Variants in GLRA2 observed in about 807,000 individuals in gnomAD.
GLRA2 encodes the protein glycine receptor subunit alpha-2.
Under a neutral mutation model 31.6 loss-of-function variants are expected in GLRA2, and 11 were observed. The ratio of observed to expected loss-of-function variants is 0.35; its 90% confidence interval spans 0.22 to 0.58. The LOEUF is 0.58. GLRA2 is among the 20% of genes least tolerant of loss of function. The pLI is 0.84. For synonymous variants in GLRA2, 132 were observed against 134.0 expected (o/e 0.99, Z 0.10); for missense variants, 212 against 351.8 (o/e 0.60, Z 3.18).
chrX:14,537,466 G>A (rs778714514), intron 2 of GLRA2, among the ~76,000 whole-genome samples: 19 of 111,484 alleles, frequency 1.7e-4, no homozygotes, highest in African/African-American at 6.2e-4. Context: ...ATGGTCCATG[G>A]TGGCAGATTA....
chrX:14,518,655 ATGTGTGTG>A, the GLRA2 span, among the ~76,000 whole-genome samples: 9 of 108,096 alleles, frequency 8.3e-5, no homozygotes, highest in African/African-American at 2.7e-4. Context: ...GTGTGTGTGT[ATGTGTGTG>A]TGTGTGTGTG....
intron 4 of GLRA2, among the ~76,000 whole-genome samples, chrX:14,597,752 G>A (rs888331253): frequency 1.8e-5 from 2 of 111,759 alleles, no homozygotes; most frequent in Non-Finnish European, 3.8e-5. Flanking sequence ...GATAGAGTGG[G>A]AAATAATAAA....
intron 4 of GLRA2, among the ~76,000 whole-genome samples, chrX:14,589,382 G>A (rs1343504983): frequency 9.2e-6 from 1 of 108,497 alleles, no homozygotes; most frequent in East Asian, 2.9e-4. Context: ...TATTTTGGCA[G>A]GGCGCGGTGG....
chrX:14,600,122 C>T lies in GLRA2; in HGVS notation c.495-4193C>T, dbSNP rs183056347. On this transcript the variant is annotated intron_variant, in intron 4 of 8. Coordinates refer to ENST00000218075, the MANE Select transcript of GLRA2 (RefSeq NM_002063.4). ...AGGGTCATGCTTGTTAGGTATTTCT[C>T]TCAGTGGGGTCTCCCATGCTGTTAA... Among the ~76,000 whole-genome samples the T allele has an allele frequency of 3.6e-5, 4 of 111,490 alleles. No individual in the cohort carries two copies. The East Asian group carries it at 1.1e-3, about 31-fold the overall frequency.
the GLRA2 span, among the ~76,000 whole-genome samples, chrX:14,505,490 A>C: frequency 2.7e-5 from 3 of 111,659 alleles, no homozygotes; most frequent in Non-Finnish European, 5.6e-5. Context: ...GAGGAGGCCT[A>C]TTCTAAGGAA....
At chrX:14,479,939 G>A in the GLRA2 span, among the ~76,000 whole-genome samples, 1 of 111,899 alleles carries the variant, frequency 8.9e-6, no homozygotes. Context: ...AGTTCTTTGA[G>A]CAATCTCCAA....
At chrX:14,517,766 CA>C in the GLRA2 span, among the ~76,000 whole-genome samples, 1 of 110,449 alleles carries the variant, frequency 9.1e-6, no homozygotes, top group Non-Finnish European at 1.9e-5. Flanking sequence ...AAGATAAAAA[CA>C]GTAAAAACCA....
At chrX:14,612,606 A>C (rs749902140) in intron 7 of GLRA2, among the ~76,000 whole-genome samples, 1 of 111,728 alleles carries the variant, frequency 9.0e-6, no homozygotes, top group Admixed American at 9.5e-5. Flanking sequence ...TGGATTAAGA[A>C]AATGTGGTAC....
At chrX:14,693,519 T>C (rs761022349) in intron 8 of GLRA2, among the ~76,000 whole-genome samples, 25 of 111,765 alleles carry the variant, frequency 2.2e-4, no homozygotes, top group African/African-American at 8.1e-4. Flanking sequence ...CTCACACTCA[T>C]AGTGAGGAAT....
the GLRA2 span, among the ~76,000 whole-genome samples, chrX:14,461,696 A>G: frequency 9.0e-6 from 1 of 111,205 alleles, no homozygotes; most frequent in Admixed American, 9.6e-5. Context: ...CTTTCCATTT[A>G]CTTGGTAGAT....
chrX:14,581,654 T>C (rs2090017289), intron 4 of GLRA2, among the ~76,000 whole-genome samples: 1 of 111,080 alleles, frequency 9.0e-6, no homozygotes, highest in Non-Finnish European at 1.9e-5. Flanking sequence ...TGCACAAATG[T>C]GTTCCTGATT....
chrX:14,670,923 C>A (rs2091085958), intron 7 of GLRA2, among the ~76,000 whole-genome samples: 1 of 111,734 alleles, frequency 8.9e-6, no homozygotes, highest in Non-Finnish European at 1.9e-5. Flanking sequence ...AAATAAGGTG[C>A]TCTCATTATC....
chrX:14,501,181 A>G, the GLRA2 span, among the ~76,000 whole-genome samples: 1 of 111,289 alleles, frequency 9.0e-6, no homozygotes, highest in African/African-American at 3.3e-5. Context: ...ATGACACAGT[A>G]ATGATCTATC....
chrX:14,591,749 G>C (rs1030744350), intron 4 of GLRA2, among the ~76,000 whole-genome samples: 6 of 111,957 alleles, frequency 5.4e-5, no homozygotes, highest in African/African-American at 1.9e-4. Flanking sequence ...ATGCTTGTTT[G>C]GAGGAAAGGA....
chrX:14,583,206 T>A (rs192097739), intron 4 of GLRA2, among the ~76,000 whole-genome samples: 2 of 112,101 alleles, frequency 1.8e-5, no homozygotes, highest in African/African-American at 6.5e-5. Flanking sequence ...GGAACACTTA[T>A]ACACTGCTGG....
chrX:14,662,715 T>C (rs747023989), intron 7 of GLRA2, among the ~76,000 whole-genome samples: 10 of 111,795 alleles, frequency 8.9e-5, no homozygotes, highest in Non-Finnish European at 1.7e-4. Flanking sequence ...AGGCAAACAA[T>C]TTATATATTT....
chrX:14,517,947 A>G, the GLRA2 span, among the ~76,000 whole-genome samples: 3 of 111,461 alleles, frequency 2.7e-5, no homozygotes, highest in African/African-American at 9.7e-5. Context: ...AAAGCCACAA[A>G]CCAGGAAATA....
At chrX:14,606,723 T>C (rs1045860606) in intron 5 of GLRA2, among the ~76,000 whole-genome samples, 22 of 112,020 alleles carry the variant, frequency 2.0e-4, no homozygotes, top group African/African-American at 7.1e-4. Context: ...ATGGTTTTCA[T>C]TTAAAGTACT....
intron 8 of GLRA2, among the ~76,000 whole-genome samples, chrX:14,699,916 G>T (rs1481915600): frequency 8.9e-6 from 1 of 111,973 alleles, no homozygotes; most frequent in Non-Finnish European, 1.9e-5. Flanking sequence ...CTTCTAAGTG[G>T]GAGCTAATGA....
Sources: allele counts gnomAD v4.1 joint callset (sites outside exome capture counted in the v4.1 genomes callset), GRCh38; gene constraint gnomAD v4.1.1; transcripts MANE v1.5; gene names NCBI Gene and HGNC (gene_info 2026-07-23, HGNC 2026-07-21).